Variants in SERPINI2 observed in about 807,000 individuals in gnomAD.
SERPINI2 encodes serpin family I member 2, also known as serpin I2.
In SERPINI2, 48 loss-of-function variants were observed where a neutral mutation model predicts 47.3. The ratio of observed to expected loss-of-function variants is 1.02; its 90% confidence interval spans 0.81 to 1.29. The LOEUF (loss-of-function observed/expected upper bound fraction) is 1.29. Among genes scored for constraint, SERPINI2 ranks in the 50% most tolerant of loss-of-function variants. The pLI is 0.00. For missense variants in SERPINI2, 448 were observed against 456.9 expected, an observed-to-expected ratio of 0.98 and a Z score of 0.18; for synonymous variants, 135 against 149.3, an observed-to-expected ratio of 0.90 and a Z score of 0.70.
rs1328494851 is a variant in SERPINI2, at chr3:167,461,201, T to C, written c.866+4005A>G. ...GAGTCTGAGAATTCAGAGAAGACAA[T>C]GTTTCTAGTTTGGTATTGACTGGGC... On this transcript the variant is annotated intron_variant, in intron 5 of 8. Transcript: ENST00000264677. Among the ~76,000 whole-genome samples the C allele has an allele frequency of 3.3e-5, 5 of 151,916 alleles. No individual in the cohort carries two copies. The East Asian group carries it at 9.7e-4, about 29-fold the overall frequency.
intron 8 of SERPINI2, among the ~76,000 whole-genome samples, chr3:167,443,904 C>A (rs1749394968): frequency 6.6e-6 from 1 of 152,064 alleles, no homozygotes; most frequent in South Asian, 2.1e-4. Context: ...CAGACTGAAG[C>A]AAAAATGATT....
chr3:167,467,834 T>C (rs939349700), intron 2 of SERPINI2, among the ~76,000 whole-genome samples: 2 of 152,168 alleles, frequency 1.3e-5, no homozygotes, highest in African/African-American at 2.4e-5. Context: ...AGAATCAGAA[T>C]TGCCTATTTC....
intron 8 of SERPINI2, among the ~76,000 whole-genome samples, chr3:167,444,049 C>A (rs140348848): frequency 6.6e-6 from 1 of 151,982 alleles, no homozygotes; most frequent in Non-Finnish European, 1.5e-5. Flanking sequence ...AAGCTAATGG[C>A]GAGAAAAAAA....
intron 8 of SERPINI2, among the ~76,000 whole-genome samples, chr3:167,442,479 C>G (rs1749355102): frequency 6.6e-6 from 1 of 152,090 alleles, no homozygotes; most frequent in South Asian, 2.1e-4. Flanking sequence ...GAGAGGTGTT[C>G]TTCTAAATAT....
rs570394580 is a variant in SERPINI2, at chr3:167,460,450, C to T, written c.866+4756G>A. On this transcript the variant is annotated intron_variant, in intron 5 of 8. Coordinates refer to ENST00000264677, the Ensembl canonical transcript of SERPINI2. ...ATTTTGGTGCTCAGGAAACTTAATTCATAAACAGGTTCTGATAAGTTAAAA... is the reference window on the plus strand; with the variant it reads ...ATTTTGGTGCTCAGGAAACTTAATTTATAAACAGGTTCTGATAAGTTAAAA... 2.6e-5 allele frequency among the ~76,000 whole-genome samples: 4 copies of T among 152,254 alleles called. No homozygotes were observed. The South Asian group carries it at 8.3e-4, about 32-fold the overall frequency.
upstream of SERPINI2, among the ~76,000 whole-genome samples, chr3:167,475,729 G>C (rs570607964): frequency 1.4e-5 from 2 of 147,714 alleles, no homozygotes; most frequent in East Asian, 4.2e-4. Flanking sequence ...AAATCGGGGT[G>C]GGGGGAGAAT....
intron 5 of SERPINI2, among the ~76,000 whole-genome samples, chr3:167,461,330 G>A (rs1476552301): frequency 6.6e-6 from 1 of 152,196 alleles, no homozygotes; most frequent in African/African-American, 2.4e-5. Context: ...ATGAGATACT[G>A]TAACTGAAAC....
At chr3:167,442,658 C>A (rs947614698) in intron 8 of SERPINI2, among the ~76,000 whole-genome samples, 4 of 152,246 alleles carry the variant, frequency 2.6e-5, no homozygotes, top group African/African-American at 9.6e-5. Flanking sequence ...GCTTACTTTA[C>A]CTCCAATGAC....
At chr3:167,445,462 A>G (rs1167485260) in intron 8 of SERPINI2, among the ~76,000 whole-genome samples, 1 of 152,192 alleles carries the variant, frequency 6.6e-6, no homozygotes, top group Non-Finnish European at 1.5e-5. Flanking sequence ...ATGTTCAAAT[A>G]AGATATAGGG....
intron 5 of SERPINI2, among the ~76,000 whole-genome samples, chr3:167,464,006 T>A (rs71627210): frequency 0.068 from 9,070 of 133,148 alleles, 463 homozygotes; most frequent in Non-Finnish European, 0.11. Flanking sequence ...AGAACAGGAG[T>A]GGCTTTTTTT....
At chr3:167,449,189 T>C in intron 7 of SERPINI2, 127 bp downstream of exon 7, 2 of 678,762 alleles carry the variant, frequency 2.9e-6, no homozygotes, top group Non-Finnish European at 5.2e-6. Context: ...TTCCTTTTTT[T>C]CCTCCTGAAG....
At chr3:167,453,658 G>T (rs1156655982) in intron 5 of SERPINI2, among the ~76,000 whole-genome samples, 1 of 147,060 alleles carries the variant, frequency 6.8e-6, no homozygotes, top group Non-Finnish European at 1.5e-5. Context: ...TACAGGAGTG[G>T]GGGGGGGTGG....
chr3:167,446,354 C>T (rs764410146), intron 8 of SERPINI2, 38 bp downstream of exon 8: 3 of 1,384,214 alleles, frequency 2.2e-6, no homozygotes, highest in Admixed American at 3.6e-5. Context: ...TTCTGCTTAA[C>T]ATAATCAGTT....
Position 167,461,686 on chromosome 3 carries a change from C to T in SERPINI2, c.866+3520G>A, listed in dbSNP as rs545533664. Reference sequence around the variant, plus strand: ...AGTGCAGTGGCAGGATCACAGCTCACTGAAGCCTTGAACACATGGGCTCAA... The same window carrying T: ...AGTGCAGTGGCAGGATCACAGCTCATTGAAGCCTTGAACACATGGGCTCAA... On this transcript the variant is annotated intron_variant, in intron 5 of 8. Coordinates refer to ENST00000264677, the Ensembl canonical transcript of SERPINI2. Among the ~76,000 whole-genome samples, 695 of 152,090 alleles carry T rather than the reference C, an allele frequency of 4.6e-3. 5 individuals carry two copies. The highest frequency in any genetic ancestry group is 0.016 in the African/African-American group (673 of 41,494).
At chr3:167,454,904 C>T (rs1048010422) in intron 5 of SERPINI2, among the ~76,000 whole-genome samples, 2 of 152,182 alleles carry the variant, frequency 1.3e-5, no homozygotes, top group African/African-American at 2.4e-5. Flanking sequence ...TTTCCATTAA[C>T]GTATAAGAAA....
chr3:167,443,108 T>C (rs1749374131), intron 8 of SERPINI2, among the ~76,000 whole-genome samples: 1 of 152,236 alleles, frequency 6.6e-6, no homozygotes, highest in Non-Finnish European at 1.5e-5. Context: ...TTTTTTGTTT[T>C]GTTTTGTTTT....
At chr3:167,462,907 T>C (rs1391107262) in intron 5 of SERPINI2, among the ~76,000 whole-genome samples, 1 of 152,206 alleles carries the variant, frequency 6.6e-6, no homozygotes, top group African/African-American at 2.4e-5. Context: ...CTGTGAAACA[T>C]TCCTCTAAGG....
intron 6 of SERPINI2, among the ~76,000 whole-genome samples, chr3:167,452,396 C>T (rs953425459): frequency 6.6e-6 from 1 of 152,116 alleles, no homozygotes; most frequent in African/African-American, 2.4e-5. Context: ...TCCCCTGATG[C>T]GAGTTAGCAT....
chr3:167,448,978 G>T (rs564264117), intron 7 of SERPINI2, among the ~76,000 whole-genome samples: 2 of 152,008 alleles, frequency 1.3e-5, no homozygotes, highest in Non-Finnish European at 2.9e-5. Flanking sequence ...ATTACGTAAG[G>T]GTGAGCATTC....
Sources: allele counts gnomAD v4.1 joint callset (sites outside exome capture counted in the v4.1 genomes callset), GRCh38; gene constraint gnomAD v4.1.1; transcripts MANE v1.5; gene names NCBI Gene and HGNC (gene_info 2026-07-23, HGNC 2026-07-21).